PLCB2: variants seen among roughly 807,000 people sequenced by gnomAD.
PLCB2 encodes phospholipase C beta 2, also known as 1-phosphatidylinositol 4,5-bisphosphate phosphodiesterase beta-2.
PLCB2 carries 115 observed loss-of-function variants against 141.7 expected under a neutral mutation model. The observed-to-expected ratio is 0.81, with a 90% CI of 0.70 to 0.95. The LOEUF (loss-of-function observed/expected upper bound fraction) is 0.95, where lower values mean the gene tolerates loss of function less well. Among genes scored for constraint, PLCB2 ranks in the 40% least tolerant of loss-of-function variants. The pLI, the probability that PLCB2 is intolerant of heterozygous loss-of-function variation, is 0.00. For synonymous variants in PLCB2, 603 were observed against 595.6 expected (o/e 1.01, Z -0.18); for missense variants, 1,403 against 1,541.1 (o/e 0.91, Z 1.50).
At chr15:40,290,508 T>G in intron 29 of PLCB2, 69 bp downstream of exon 29, 2 of 1,110,688 alleles carry the variant, frequency 1.8e-6, no homozygotes, top group Non-Finnish European at 2.7e-6. Context: ...TCAGGATCCA[T>G]TTGTAGAGAG....
At chr15:40,298,477 G>C in intron 10 of PLCB2, 85 bp downstream of exon 10, 6 of 1,600,576 alleles carry the variant, frequency 3.7e-6, no homozygotes, top group Non-Finnish European at 5.1e-6. Context: ...TATTCTCAGG[G>C]CCAGCAGCAT....
chr15:40,303,333 G>C lies in PLCB2; in HGVS notation c.186C>G (p.Thr62=), dbSNP rs781683919. ...QSKEMEFLDI[T]SIRDTRFGKF... ...TCCCAAAGCGAGTATCCCGGATGCT[G>C]GTGATATCCAGAAACTCCATCTCCT... The change falls in exon 3 of 32, where the codon ACC becomes ACG. Residue 62 remains threonine, a synonymous_variant. Transcript: ENST00000260402. 5 of 1,613,704 alleles carry C rather than the reference G, an allele frequency of 3.1e-6. 1 individual carries two copies. In the Admixed American group the frequency reaches 8.3e-5, roughly 27 times the overall value.
chr15:40,306,336 AG>A (rs2141199536), intron 1 of PLCB2, among the ~76,000 whole-genome samples: 1 of 152,208 alleles, frequency 6.6e-6, no homozygotes, highest in South Asian at 2.1e-4. Flanking sequence ...TACCTTGGAG[AG>A]GGGAAGGGAA....
intron 30 of PLCB2, 53 bp downstream of exon 30, chr15:40,289,966 AGAGTGT>A (rs1466963500): frequency 1.8e-6 from 1 of 551,870 alleles, no homozygotes; most frequent in Non-Finnish European, 3.2e-6. Flanking sequence ...AGAGAGAGAG[AGAGTGT>A]GTGTGTGTGT....
downstream of PLCB2, chr15:40,285,669 T>C: frequency 1.0e-6 from 1 of 985,446 alleles, no homozygotes; most frequent in South Asian, 4.7e-5. Context: ...TTTTCTTCCC[T>C]TTATGACTCA....
chr15:40,290,430 G>A (rs2039825250), intron 29 of PLCB2, 147 bp downstream of exon 29: 1 of 711,234 alleles, frequency 1.4e-6, no homozygotes. Flanking sequence ...AGGACACTCT[G>A]ATCAAAGGTG....
rs757142387 is a variant in PLCB2 at position 40,290,557 on chromosome 15, G to A, written c.3209+20C>T. 3 of 1,581,482 alleles carry A rather than the reference G, an allele frequency of 1.9e-6. No individual in the cohort carries two copies. In the South Asian group the frequency reaches 3.3e-5, roughly 17 times the overall value. On this transcript the variant is annotated intron_variant, in intron 29 of 31. Coordinates refer to ENST00000260402, the MANE Select transcript of PLCB2 (RefSeq NM_004573.3). Reference sequence around the variant, plus strand: ...TGAAGTGGGGTCTGCCCAGCCCTGGGCCTCCCCTCCAGGGCTCACCTCTCC... The same window carrying A: ...TGAAGTGGGGTCTGCCCAGCCCTGGACCTCCCCTCCAGGGCTCACCTCTCC...
rs1047375754 is a variant in PLCB2 at position 40,294,424 on chromosome 15, G to A, written c.1907-4C>T. 12 of 1,613,916 alleles carry A rather than the reference G, an allele frequency of 7.4e-6. No homozygotes were observed. In the African/African-American group the frequency reaches 1.6e-4, roughly 22 times the overall value. ...ATGTTCTGCTGCATGGGCAAGTCTG[G>A]AGGGACAAGGACACTCAGTGAGGAA... On this transcript the variant is annotated splice_region_variant and splice_polypyrimidine_tract_variant and intron_variant, in intron 18 of 31. Transcript: ENST00000260402.
rs763904801 is a variant in PLCB2 at position 40,295,303 on chromosome 15, G to A, written c.1697-18C>T. ...GTTCTTTTCTATATAGGGGAGAAAG[G>A]GAGGGGAGGAGTTTTATCAGGCTGT... On this transcript the variant is annotated intron_variant, in intron 16 of 31. Coordinates refer to ENST00000260402, the MANE Select transcript of PLCB2 (RefSeq NM_004573.3). 8 of 1,565,308 alleles carry A rather than the reference G, an allele frequency of 5.1e-6. No homozygotes were observed. Among genetic ancestry groups the A allele is most frequent in the African/African-American group, 2.7e-5 (2 of 73,816 alleles).
rs770240691 is a variant in PLCB2, at chr15:40,299,236, C to A, written c.583-8G>T. On this transcript the variant is annotated splice_region_variant and splice_polypyrimidine_tract_variant and intron_variant, in intron 7 of 31. Coordinates refer to ENST00000260402, the MANE Select transcript of PLCB2 (RefSeq NM_004573.3). ...AGGATTGATGGCGTCATTCTAGGGG[C>A]ATAGTAACCTTATTGCCCCTGCCCT... is the stretch of plus-strand genomic sequence containing the variant. 1.3e-6 allele frequency: 2 copies of A among 1,593,052 alleles called. No individual in the cohort carries two copies. The highest frequency in any genetic ancestry group is 1.1e-5 in the South Asian group (1 of 90,634).
Position 40,291,335 on chromosome 15 carries a change from G to A in PLCB2, c.2800C>T (p.Leu934Phe). 2.0e-6 allele frequency: 3 copies of A among 1,529,078 alleles called. No homozygotes were observed. Among genetic ancestry groups the A allele is most frequent in the Non-Finnish European group, 2.6e-6 (3 of 1,145,312 alleles). 94.7% of individuals were successfully genotyped at this position (1,529,078 alleles called of 1,614,324 possible). A position where few individuals can be genotyped will look rare whatever the true frequency, so the allele number is the denominator to read the frequency against. ...ACGCCCCCCACGCCCGGTGGCCCGA[G>A]CTCCGCCAGCTGCGCCGCGCCCCGC... is the stretch of plus-strand genomic sequence containing the variant. ...LQRGAAQLAELGPPGVGGVGA... is the reference protein window; with the variant it reads ...LQRGAAQLAEFGPPGVGGVGA... Residue 934 changes from leucine (L) to phenylalanine (F), a missense_variant, in exon 26 of 32, where the codon CTC (leucine) becomes TTC (phenylalanine). Transcript: ENST00000260402.
chr15:40,307,775 AC>A lies in PLCB2; in HGVS notation c.-104del. ...GGGAGCCAAGCTGGGCTCAAATGGCACCCATCCCCGAGCTGCTCCAGAAATC... is the reference window on the plus strand; with the variant it reads ...GGGAGCCAAGCTGGGCTCAAATGGCACCATCCCCGAGCTGCTCCAGAAATC... On this transcript the variant is annotated 5_prime_UTR_variant, in exon 1 of 32. It removes the in-frame stop codon of an upstream open reading frame in the 5' UTR. Coordinates refer to ENST00000260402, the MANE Select transcript of PLCB2 (RefSeq NM_004573.3). 1.1e-6 allele frequency: 1 copy of A among 925,240 alleles called. No individual in the cohort carries two copies. Among genetic ancestry groups the A allele is most frequent in the Non-Finnish European group, 1.6e-6 (1 of 621,304 alleles). The allele number at this position is 925,240 out of a possible 1,614,324, so 57.3% of individuals were successfully genotyped here.
At position 40,297,554 on chromosome 15, in the gene PLCB2, A is replaced by G; in HGVS notation, c.1290T>C (p.Asp430=). ...TTTCCAGGGGCTCTGTGAGCAGCAT[A>G]TCCCCAAAGATCGTCCGGCAATACT... is the stretch of plus-strand genomic sequence containing the variant. ...MAEYCRTIFG[D]MLLTEPLEKF... The change falls in exon 13 of 32, where the codon GAT becomes GAC. Residue 430 remains aspartate (D), a synonymous_variant. Coordinates refer to ENST00000260402, the MANE Select transcript of PLCB2 (RefSeq NM_004573.3). This position sits in a 1 kb window ranked among gnomAD's most constrained non-coding sequence, Gnocchi z 4.2. The G allele has an allele frequency of 6.2e-7, 1 of 1,614,136 alleles. No homozygotes were observed. Among genetic ancestry groups the G allele is most frequent in the Non-Finnish European group, 8.5e-7 (1 of 1,179,994 alleles).
At position 40,290,757 on chromosome 15, in the gene PLCB2, G is replaced by A. The variant is rs751368800; in HGVS notation, c.3113+4C>T. The A allele has an allele frequency of 5.6e-6, 9 of 1,613,598 alleles. No homozygotes were observed. Among genetic ancestry groups the A allele is most frequent in the Non-Finnish European group, 7.6e-6 (9 of 1,179,742 alleles). On this transcript the variant is annotated splice_donor_region_variant and intron_variant, in intron 28 of 31. Coordinates refer to ENST00000260402, the MANE Select transcript of PLCB2 (RefSeq NM_004573.3). ...AAGCAGGTGTGGGAGGGAGGCAGTC[G>A]TACTTCTCCGACGTCTCCTTCAGGG...
intron 19 of PLCB2, 39 bp downstream of exon 19, chr15:40,294,227 C>A (rs1309822591): frequency 6.2e-7 from 1 of 1,607,846 alleles, no homozygotes; most frequent in South Asian, 1.1e-5. Flanking sequence ...CTACTCAAGA[C>A]CTCAGCCTCC....
chr15:40,293,082 C>A (rs2040022311), intron 20 of PLCB2, 57 bp from the exon 21 acceptor site: 1 of 1,065,066 alleles, frequency 9.4e-7, no homozygotes. Context: ...CAAGCTGACC[C>A]CCTCCCTGGC....
At position 40,293,025 on chromosome 15, in the gene PLCB2, T is replaced by A; in HGVS notation, c.2227A>T (p.Ile743Phe). 1 of 1,591,680 alleles carries A rather than the reference T, an allele frequency of 6.3e-7. No homozygotes were observed. ...AGGGAGGCCAGCTCAGGCATCAAGA[T>A]CTGGGGAGAGTTGGGGACATGACAG... Reference protein sequence around the residue: ...WKEEPFVFEKILMPELASLRV... With the variant: ...WKEEPFVFEKFLMPELASLRV... Residue 743 changes from isoleucine (I) to phenylalanine (F), a missense_variant and splice_region_variant, in exon 21 of 32, where the codon ATC becomes TTC. By Grantham distance (21) the Ile-to-Phe change is conservative (BLOSUM62 0). Transcript: ENST00000260402.
chr15:40,302,194 G>A lies in PLCB2; in HGVS notation c.453-5C>T. 6.2e-7 allele frequency: 1 copy of A among 1,613,220 alleles called. No individual in the cohort carries two copies. Among genetic ancestry groups the A allele is most frequent in the Non-Finnish European group, 8.5e-7 (1 of 1,179,410 alleles). On this transcript the variant is annotated splice_polypyrimidine_tract_variant and splice_region_variant and intron_variant, in intron 5 of 31. Transcript: ENST00000260402. ...TGCATCTTGAGCTTCACAAGGCTGG[G>A]GGCAGAAAGCAGCCCGTCAAGGCCC...
At position 40,294,547 on chromosome 15, in the gene PLCB2, C is replaced by T; in HGVS notation, c.1907-127G>A. ...GTTGGGTGGACCGTGAGGATGAGGG[C>T]TTCTCCTGTCCCAGTCTGGTTCCTT... On this transcript the variant is annotated intron_variant, in intron 18 of 31. Transcript: ENST00000260402. 4 of 909,098 alleles carry T rather than the reference C, an allele frequency of 4.4e-6. No homozygotes were observed. The East Asian group carries it at 1.0e-4, about 23-fold the overall frequency. 56.3% of individuals were successfully genotyped at this position (909,098 alleles called of 1,614,324 possible).
Sources: allele counts gnomAD v4.1 joint callset (sites outside exome capture counted in the v4.1 genomes callset), GRCh38; gene constraint gnomAD v4.1.1; non-coding constraint Gnocchi (gnomAD v3.1); transcripts MANE v1.5; gene names NCBI Gene and HGNC (gene_info 2026-07-23, HGNC 2026-07-21).